ATP1B3: variants seen among roughly 807,000 people sequenced by gnomAD.
The protein encoded by ATP1B3 is sodium/potassium-transporting ATPase subunit beta-3.
ATP1B3 carries 10 observed loss-of-function variants against 30.2 expected under a neutral mutation model. The ratio of observed to expected loss-of-function variants is 0.33; its 90% CI spans 0.20 to 0.56. The LOEUF is 0.56. ATP1B3 is among the 20% of genes least tolerant of loss of function. The probability of loss-of-function intolerance (pLI) is 0.90; values close to 1 mark genes in which losing one functional copy is unlikely to be tolerated. For missense variants in ATP1B3, 238 were observed against 336.7 expected (o/e 0.71, Z 2.29); for synonymous variants, 113 against 117.0 (o/e 0.97, Z 0.22).
At position 141,925,694 on chromosome 3, in the gene ATP1B3, G is replaced by T. The variant is rs770068175; in HGVS notation, c.833G>T (p.Arg278Leu). 7 of 1,610,700 alleles carry T rather than the reference G, an allele frequency of 4.3e-6. No homozygotes were observed. The highest frequency in any genetic ancestry group is 5.9e-6 in the Non-Finnish European group (7 of 1,179,168). The change falls in exon 7 of 7, where the codon CGT becomes CTT. Residue 278 changes from arginine (R) to leucine (L), a missense_variant. Arg to Leu is a moderately radical substitution (Grantham distance 102, BLOSUM62 -2). Coordinates refer to ENST00000286371, the MANE Select transcript of ATP1B3 (RefSeq NM_001679.4). ...CGAGTTATGTTCAAAATCACAGCAC[G>T]TGCATAGTATGAGTAGGATATCTCC... ...LGRVMFKITA[R>L]A
chr3:141,897,639 AGT>A (rs1431330739), intron 1 of ATP1B3, among the ~76,000 whole-genome samples: 1 of 152,172 alleles, frequency 6.6e-6, no homozygotes, highest in Non-Finnish European at 1.5e-5. Context: ...AAAATGTGAG[AGT>A]GTGTGTATAC....
chr3:141,890,760 A>G (rs564656530), intron 1 of ATP1B3, among the ~76,000 whole-genome samples: 2 of 151,718 alleles, frequency 1.3e-5, no homozygotes, highest in South Asian at 4.2e-4. Context: ...TTTAGTAGAG[A>G]CTGGGTTTTG....
intron 3 of ATP1B3, among the ~76,000 whole-genome samples, chr3:141,911,791 G>A (rs560863227): frequency 3.3e-5 from 5 of 152,258 alleles, no homozygotes; most frequent in South Asian, 2.1e-4. Context: ...CACTGCGCTC[G>A]GCCTTTGGTC....
At chr3:141,876,982 C>A (rs1299314841) in intron 1 of ATP1B3, 72 bp downstream of exon 1, 8 of 1,231,968 alleles carry the variant, frequency 6.5e-6, no homozygotes, top group Non-Finnish European at 8.7e-6. Flanking sequence ...CTGGTGGGAA[C>A]GGAAAGGCGG....
At chr3:141,913,983 A>G (rs557982715) in intron 4 of ATP1B3, 147 bp downstream of exon 4, 28 of 718,474 alleles carry the variant, frequency 3.9e-5, no homozygotes, top group Non-Finnish European at 5.7e-5. Context: ...GACTAGCAGT[A>G]ATGTTTATTG....
intron 1 of ATP1B3, among the ~76,000 whole-genome samples, chr3:141,890,393 C>A (rs1397940258): frequency 7.4e-6 from 1 of 135,904 alleles, no homozygotes; most frequent in African/African-American, 2.7e-5. Context: ...ACCTCCACCT[C>A]CTGGGTTCAG....
intron 1 of ATP1B3, among the ~76,000 whole-genome samples, chr3:141,880,658 C>T (rs1291817851): frequency 1.3e-5 from 2 of 152,030 alleles, no homozygotes; most frequent in Non-Finnish European, 2.9e-5. Context: ...CTAATAGGTT[C>T]ATTCTAGCTT....
chr3:141,925,384 G>C (rs1307029539), intron 6 of ATP1B3, 147 bp from the exon 7 acceptor site: 3 of 744,952 alleles, frequency 4.0e-6, no homozygotes, highest in Middle Eastern at 3.9e-4. Context: ...GATTGGTTGA[G>C]GCTTCAATGA....
chr3:141,882,479 C>G (rs1933746305), intron 1 of ATP1B3, among the ~76,000 whole-genome samples: 1 of 152,120 alleles, frequency 6.6e-6, no homozygotes, highest in African/African-American at 2.4e-5. Flanking sequence ...GGTCTGTCAC[C>G]TTTATGGTGA....
rs72986320 is a variant in ATP1B3, at chr3:141,877,896, A to G, written c.109+986A>G. On this transcript the variant is annotated intron_variant, in intron 1 of 6. Transcript: ENST00000286371. The stretch of plus-strand genomic sequence containing the variant: ...TTACCTTTTTAAATCCTTTTGAAAC[A>G]TTTTGTTAGTGGGTCTTGAAAGACC... Among the ~76,000 whole-genome samples the G allele has an allele frequency of 3.2e-3, 477 of 150,864 alleles. 3 individuals are homozygous for G. The highest frequency in any genetic ancestry group is 0.011 in the African/African-American group (463 of 40,934).
chr3:141,887,585 T>A (rs1388327182), intron 1 of ATP1B3, among the ~76,000 whole-genome samples: 2 of 152,172 alleles, frequency 1.3e-5, no homozygotes, highest in African/African-American at 4.8e-5. Flanking sequence ...AATGAAAACA[T>A]ACGTTCACAA....
chr3:141,898,519 A>G (rs896431866), intron 1 of ATP1B3, among the ~76,000 whole-genome samples: 11 of 152,230 alleles, frequency 7.2e-5, no homozygotes, highest in African/African-American at 2.7e-4. Context: ...ATCATTAGCC[A>G]TTAGGGAAAA....
chr3:141,913,770 T>C lies in ATP1B3; in HGVS notation c.465T>C (p.Ser155=), dbSNP rs144776438. 41 of 1,614,058 alleles carry C rather than the reference T, an allele frequency of 2.5e-5. No homozygotes were observed. In the African/African-American group the frequency reaches 4.8e-4, roughly 19 times the overall value. Residue 155 remains serine, a synonymous_variant, in exon 4 of 7, where the codon AGT becomes AGC. Coordinates refer to ENST00000286371, the MANE Select transcript of ATP1B3 (RefSeq NM_001679.4). ...QFPISLLQAC[S]GMNDPDFGYS... ...CTATTTCATTACTTCAAGCATGCAG[T>C]GGTATGAATGATCCTGATTTTGGCT...
At position 141,903,667 on chromosome 3, in the gene ATP1B3, C is replaced by A; in HGVS notation, c.157C>A (p.Leu53Ile). ...AGTTTTTTATGGGTTCCTGGCTGCA[C>A]TCTTCTCATTCACGATGTGGGTTAT... ...YLVFYGFLAA[L>I]FSFTMWVMLQ... Residue 53 changes from leucine to isoleucine, a missense_variant, in exon 2 of 7, where the codon CTC becomes ATC. Physicochemically the swap from Leu to Ile is conservative, Grantham distance 5. This residue lies in a region of ATP1B3 where 130 missense variants were observed against 148.8 expected (regional missense o/e 0.87). Transcript: ENST00000286371. 6.2e-7 allele frequency: 1 copy of A among 1,614,098 alleles called. No homozygotes were observed. Among genetic ancestry groups the A allele is most frequent in the South Asian group, 1.1e-5 (1 of 91,086 alleles).
At chr3:141,907,015 C>A in intron 2 of ATP1B3, 152 bp from the exon 3 acceptor site, 1 of 469,146 alleles carries the variant, frequency 2.1e-6, no homozygotes, top group South Asian at 4.9e-5. Context: ...GATGTCTATG[C>A]CTTCATAATT....
intron 6 of ATP1B3, among the ~76,000 whole-genome samples, chr3:141,922,351 G>T (rs1934577490): frequency 6.6e-6 from 1 of 152,084 alleles, no homozygotes; most frequent in Non-Finnish European, 1.5e-5. Flanking sequence ...AAGTAGAAAA[G>T]TACTTAAAAA....
chr3:141,918,023 C>T (rs545148427), intron 5 of ATP1B3, among the ~76,000 whole-genome samples: 15 of 152,196 alleles, frequency 9.9e-5, no homozygotes, highest in African/African-American at 3.6e-4. Flanking sequence ...CCGCCTCAGC[C>T]TCCCAAAGTG....
intron 1 of ATP1B3, among the ~76,000 whole-genome samples, chr3:141,894,052 G>A (rs190536937): frequency 6.6e-6 from 1 of 152,304 alleles, no homozygotes; most frequent in African/African-American, 2.4e-5. Context: ...TAACACAATG[G>A]TAAGTATTTG....
intron 5 of ATP1B3, chr3:141,916,476 CT>C (rs35347743): frequency 2.4e-5 from 25 of 1,044,350 alleles, no homozygotes; most frequent in Non-Finnish European, 2.9e-5. Flanking sequence ...TCCCTACTTA[CT>C]TTTTTTTCCA....
Sources: gnomAD v4.1 joint callset for allele counts (sites outside exome capture counted in the v4.1 genomes callset) on GRCh38, gnomAD v4.1.1 for gene constraint, gnomAD v4.1.1 regional missense constraint, MANE v1.5 for transcripts, NCBI Gene and HGNC (gene_info 2026-07-23, HGNC 2026-07-21) for gene names.